DYDC1: variants seen among roughly 807,000 people sequenced by gnomAD.
The protein encoded by DYDC1 is DPY30 domain-containing protein 1.
Under a neutral mutation model 27.9 loss-of-function variants are expected in DYDC1, and 21 were observed. The ratio of observed to expected loss-of-function variants is 0.75; its 90% CI spans 0.53 to 1.08. The LOEUF (loss-of-function observed/expected upper bound fraction) is 1.08, where lower values mean the gene tolerates loss of function less well. Ranked by LOEUF, DYDC1 falls within the 50% of genes least tolerant of loss-of-function variation. The probability of loss-of-function intolerance (pLI) is 0.00; values close to 1 mark genes in which losing one functional copy is unlikely to be tolerated. For missense variants in DYDC1, 202 were observed against 205.9 expected (o/e 0.98, Z 0.12); for synonymous variants, 67 against 65.8 (o/e 1.02, Z -0.09).
intron 3 of DYDC1, among the ~76,000 whole-genome samples, chr10:80,346,086 G>A (rs138773069): frequency 0.022 from 3,296 of 152,296 alleles, 50 homozygotes; most frequent in Non-Finnish European, 0.031. Context: ...GACCTCAAGT[G>A]ATCCTCAGGC....
At chr10:80,340,682 T>C (rs1012942223) in intron 4 of DYDC1, among the ~76,000 whole-genome samples, 1 of 152,244 alleles carries the variant, frequency 6.6e-6, no homozygotes, top group Non-Finnish European at 1.5e-5. Context: ...GTGAATCTTT[T>C]TCAAAATTTC....
In DYDC1 at chr10:80,342,297, A is replaced by G. The variant is rs895020418; in HGVS notation, c.314T>C (p.Leu105Pro). The G allele has an allele frequency of 2.5e-6, 4 of 1,613,852 alleles. No homozygotes were observed. The highest frequency in any genetic ancestry group is 2.2e-5 in the East Asian group (1 of 44,850). ...QEKERQRIQELQRAQEQLGKE... is the reference protein window; with the variant it reads ...QEKERQRIQEPQRAQEQLGKE... ...GCCTAATTGTTCTTGAGCTCTCTGT[A>G]GTTCTTGTATTCTCTGCCTCTCCTT... The change falls in exon 4 of 7, where the codon CTA becomes CCA. Residue 105 changes from leucine (L) to proline (P), a missense_variant. Transcript: ENST00000372202.
chr10:80,336,209 T>C (rs1289112628), intron 6 of DYDC1, 24 bp from the exon 7 acceptor site: 1 of 1,570,308 alleles, frequency 6.4e-7, no homozygotes, highest in Non-Finnish European at 8.6e-7. Context: ...AAAAAGTAAA[T>C]ATTCCTTAAT....
chr10:80,341,934 G>C (rs1189838053), intron 4 of DYDC1, among the ~76,000 whole-genome samples: 2 of 151,040 alleles, frequency 1.3e-5, no homozygotes, highest in African/African-American at 4.9e-5. Flanking sequence ...TGAGGCAGGA[G>C]AATCACTTGA....
intron 3 of DYDC1, among the ~76,000 whole-genome samples, chr10:80,346,208 A>T (rs56080607): frequency 0.19 from 28,976 of 152,068 alleles, 3,301 homozygotes; most frequent in South Asian, 0.44. Flanking sequence ...AATCTTGGCT[A>T]TTGTAAATAA....
chr10:80,336,798 T>A (rs1243973988), intron 6 of DYDC1, among the ~76,000 whole-genome samples: 5 of 152,210 alleles, frequency 3.3e-5, no homozygotes, highest in African/African-American at 9.7e-5. Context: ...ACTGATCCTG[T>A]AAGCCAATCT....
At chr10:80,352,027 A>G (rs188513516) in intron 2 of DYDC1, 25 bp from the exon 3 acceptor site, 2 of 1,606,764 alleles carry the variant, frequency 1.2e-6, no homozygotes, top group African/African-American at 1.3e-5. Context: ...AAACAACAGC[A>G]CACGACTTCT....
At chr10:80,347,512 A>G (rs1842741401) in intron 3 of DYDC1, among the ~76,000 whole-genome samples, 1 of 152,154 alleles carries the variant, frequency 6.6e-6, no homozygotes, top group Non-Finnish European at 1.5e-5. Flanking sequence ...TCATACCCAA[A>G]AAATTATTGC....
chr10:80,337,977 CCT>C (rs1842188483), intron 6 of DYDC1: 2 of 624,522 alleles, frequency 3.2e-6, no homozygotes. Flanking sequence ...CTGTTTCTCC[CCT>C]GACAATAAAC....
intron 1 of DYDC1, among the ~76,000 whole-genome samples, chr10:80,355,272 C>T (rs906198474): frequency 8.6e-5 from 13 of 151,866 alleles, no homozygotes; most frequent in Admixed American, 8.5e-4. Context: ...GAGACAGTGA[C>T]ATCCTGGGGT....
chr10:80,343,016 A>G (rs1842398173), intron 3 of DYDC1, among the ~76,000 whole-genome samples: 1 of 151,828 alleles, frequency 6.6e-6, no homozygotes, highest in East Asian at 1.9e-4. Flanking sequence ...AGAAAAAAGA[A>G]TATCATCTGA....
At chr10:80,349,546 T>G (rs1842864707) in intron 3 of DYDC1, among the ~76,000 whole-genome samples, 1 of 152,220 alleles carries the variant, frequency 6.6e-6, no homozygotes, top group African/African-American at 2.4e-5. Flanking sequence ...GCAAAAGCTT[T>G]TAAAGGTAAT....
chr10:80,348,636 T>C (rs1381656444), intron 3 of DYDC1, among the ~76,000 whole-genome samples: 1 of 152,260 alleles, frequency 6.6e-6, no homozygotes, highest in Non-Finnish European at 1.5e-5. Context: ...AATTTCCATA[T>C]TCTGAAATCC....
At chr10:80,352,413 G>GC in intron 2 of DYDC1, 42 bp downstream of exon 2, 1 of 1,514,792 alleles carries the variant, frequency 6.6e-7, no homozygotes. Context: ...AGTTGGACCA[G>GC]TTTTTTTTCT....
chr10:80,356,154 C>T, intron 1 of DYDC1: 1 of 793,302 alleles, frequency 1.3e-6, no homozygotes, highest in Non-Finnish European at 1.5e-6. Context: ...ATCAGTGGGA[C>T]CCAGGCAAGG....
chr10:80,337,002 C>A (rs1369324057), intron 6 of DYDC1: 1 of 492,984 alleles, frequency 2.0e-6, no homozygotes, highest in Non-Finnish European at 2.6e-6. Flanking sequence ...TCCAAAATCC[C>A]TAAGGCAACA....
chr10:80,348,922 C>T (rs1842823111), intron 3 of DYDC1, among the ~76,000 whole-genome samples: 1 of 152,016 alleles, frequency 6.6e-6, no homozygotes, highest in South Asian at 2.1e-4. Context: ...GGCGGAGTCT[C>T]GCTCTGTCGC....
At chr10:80,341,442 C>CAAAAAAAAA (rs58419721) in intron 4 of DYDC1, among the ~76,000 whole-genome samples, 20 of 46,644 alleles carry the variant, frequency 4.3e-4, no homozygotes, top group African/African-American at 7.6e-4. Context: ...GACTCTGTCT[C>CAAAAAAAAA]AAAAAAAAAA....
In DYDC1 at chr10:80,346,706, C is replaced by T. The variant is rs187840335; in HGVS notation, c.250-4345G>A. On this transcript the variant is annotated intron_variant, in intron 3 of 6. Transcript: ENST00000372202. Reference sequence around the variant, plus strand: ...CAATCTCCTGACTTTGTGATCTGCCCGCCTCAGCCTCCCGAAGTGCTGGGA... The same window carrying T: ...CAATCTCCTGACTTTGTGATCTGCCTGCCTCAGCCTCCCGAAGTGCTGGGA... 3.3e-3 allele frequency among the ~76,000 whole-genome samples: 498 copies of T among 151,484 alleles called. 3 individuals carry two copies. The highest frequency in any genetic ancestry group is 0.01 in the African/African-American group (426 of 41,318).
Sources: allele counts gnomAD v4.1 joint callset (sites outside exome capture counted in the v4.1 genomes callset), GRCh38; gene constraint gnomAD v4.1.1; transcripts MANE v1.5; gene names NCBI Gene and HGNC (gene_info 2026-07-23, HGNC 2026-07-21).